Variants in AMOT observed in about 807,000 individuals in gnomAD.
The protein encoded by AMOT is angiomotin.
Under a neutral mutation model 67.0 loss-of-function variants are expected in AMOT, and 11 were observed. The observed-to-expected ratio is 0.16, with a 90% CI of 0.10 to 0.27. AMOT has a LOEUF of 0.27. Among genes scored for constraint, AMOT ranks in the 10% least tolerant of loss-of-function variants. The pLI is 1.00. For synonymous variants in AMOT, 326 were observed against 321.4 expected (o/e 1.01, Z -0.15); for missense variants, 753 against 852.0 (o/e 0.88, Z 1.45).
Position 112,823,067 on chromosome X carries a change from T to C in AMOT, c.60A>G (p.Gln20=). Residue 20 remains glutamine (Q), a synonymous_variant, in exon 4 of 14, where the codon CAA becomes CAG. Transcript: ENST00000371959. ...GGTTVLQRLL[Q]EQLRYGNPSE... ...TAGGATTGCCATAGCGAAGCTGCTC[T>C]TGTAGCAAACGCTGCAATACCGTGG... 4 of 1,167,712 alleles carry C rather than the reference T, an allele frequency of 3.4e-6. No individual in the cohort carries two copies. Among genetic ancestry groups the C allele is most frequent in the Non-Finnish European group, 4.6e-6 (4 of 872,993 alleles).
chrX:112,832,877 G>C (rs1289997566), intron 1 of AMOT, among the ~76,000 whole-genome samples: 1 of 111,229 alleles, frequency 9.0e-6, no homozygotes, highest in Non-Finnish European at 1.9e-5. Context: ...ATGGACAGGA[G>C]CCAGCATTTC....
rs1933233066 is a variant in AMOT, at chrX:112,782,678, G to C, written c.2118-16C>G. 2 of 1,201,740 alleles carry C rather than the reference G, an allele frequency of 1.7e-6. No homozygotes were observed. Among genetic ancestry groups the C allele is most frequent in the Admixed American group, 2.2e-5 (1 of 45,097 alleles). On this transcript the variant is annotated splice_polypyrimidine_tract_variant and intron_variant, in intron 10 of 13. Coordinates refer to ENST00000371959, the MANE Select transcript of AMOT (RefSeq NM_001113490.2). ...TGTTGTGTCCCTGGGGAGGAAAATG[G>C]AAGTGATGAGATGGGAGCATAGCAA...
intron 2 of AMOT, among the ~76,000 whole-genome samples, chrX:112,828,153 G>A (rs769260023): frequency 1.6e-3 from 174 of 110,302 alleles, no homozygotes; most frequent in Non-Finnish European, 2.2e-3. Flanking sequence ...CAACAGTCTT[G>A]CAACCCAAGA....
intron 4 of AMOT, among the ~76,000 whole-genome samples, chrX:112,817,922 G>A (rs1008056950): frequency 1.4e-4 from 16 of 111,304 alleles, no homozygotes; most frequent in Non-Finnish European, 2.4e-4. Context: ...TTCCTCACAG[G>A]TAAAAGACTA....
intron 1 of AMOT, among the ~76,000 whole-genome samples, chrX:112,837,379 T>C (rs928689658): frequency 8.9e-6 from 1 of 112,412 alleles, no homozygotes; most frequent in African/African-American, 3.2e-5. Context: ...AAGGCCCAGT[T>C]AGAGTGAATT....
chrX:112,810,916 C>T (rs1240388688), intron 6 of AMOT, among the ~76,000 whole-genome samples: 2 of 111,093 alleles, frequency 1.8e-5, no homozygotes, highest in East Asian at 2.8e-4. Context: ...TCAAAGGGCA[C>T]GCCTCTGTAA....
intron 1 of AMOT, among the ~76,000 whole-genome samples, chrX:112,837,209 G>A (rs1249407879): frequency 1.8e-5 from 2 of 112,293 alleles, no homozygotes; most frequent in Admixed American, 9.4e-5. Flanking sequence ...CAGAGCTAAC[G>A]TGGCCAGCAT....
In AMOT at chrX:112,777,352, T is replaced by G. The variant is rs779539332; in HGVS notation, c.*1215A>C. 1.8e-5 allele frequency: 2 copies of G among 111,827 alleles called. No individual in the cohort carries two copies. Among genetic ancestry groups the G allele is most frequent in the East Asian group, 5.7e-4 (2 of 3,532 alleles). The allele number at this position is 111,827 out of a possible 1,213,427, so 9.2% of individuals were successfully genotyped here. On this transcript the variant is annotated 3_prime_UTR_variant, in exon 14 of 14. Transcript: ENST00000371959. ...CTCTACCCACATGCACATTTCCTGC[T>G]GCTTCCCAAAGGTATTCCAAGATGG...
intron 4 of AMOT, among the ~76,000 whole-genome samples, chrX:112,816,091 C>A (rs1173573501): frequency 2.7e-5 from 3 of 111,077 alleles, no homozygotes; most frequent in African/African-American, 9.8e-5. Context: ...TGTGCCTCTG[C>A]CTGACAAACA....
At chrX:112,824,146 T>G (rs1018203813) in intron 3 of AMOT, among the ~76,000 whole-genome samples, 10 of 112,013 alleles carry the variant, frequency 8.9e-5, no homozygotes, top group East Asian at 2.8e-4. Context: ...GATTCCTCTT[T>G]TCTTGATGTC....
intron 8 of AMOT, 147 bp downstream of exon 8, chrX:112,804,800 A>G: frequency 1.3e-6 from 1 of 792,321 alleles, no homozygotes; most frequent in Non-Finnish European, 1.8e-6. Context: ...GTCCACTCAC[A>G]TCAGCACAGT....
intron 8 of AMOT, 49 bp downstream of exon 8, chrX:112,804,898 T>TAGCC: frequency 1.2e-6 from 1 of 837,584 alleles, no homozygotes; most frequent in East Asian, 3.8e-5. Context: ...GTCCCCGATT[T>TAGCC]CCCAGCCCTC....
At chrX:112,782,470 G>A in intron 11 of AMOT, 70 bp downstream of exon 11, 1 of 1,188,015 alleles carries the variant, frequency 8.4e-7, no homozygotes. Flanking sequence ...TTTCCTAGCT[G>A]TGAATAAAGA....
In AMOT at chrX:112,776,845, A is replaced by G. The variant is rs960451955; in HGVS notation, c.*1722T>C. On this transcript the variant is annotated 3_prime_UTR_variant, in exon 14 of 14. Coordinates refer to ENST00000371959, the MANE Select transcript of AMOT (RefSeq NM_001113490.2). ...CAACCAGGTACATTTTACAAGATAC[A>G]TATTCCCTGGACCATGAAGATGCCT... 2 of 112,188 alleles carry G rather than the reference A, an allele frequency of 1.8e-5. No individual in the cohort carries two copies. The highest frequency in any genetic ancestry group is 3.8e-5 in the Non-Finnish European group (2 of 53,206). 9.2% of individuals were successfully genotyped at this position (112,188 alleles called of 1,213,427 possible). A position where few individuals can be genotyped will look rare whatever the true frequency, so the allele number is the denominator to read the frequency against.
chrX:112,825,661 T>C (rs780582189), intron 2 of AMOT, among the ~76,000 whole-genome samples: 3 of 110,088 alleles, frequency 2.7e-5, no homozygotes, highest in Non-Finnish European at 3.8e-5. Flanking sequence ...AGGTTTTTGG[T>C]CAAAAAAAGA....
chrX:112,836,763 T>C lies in AMOT; in HGVS notation c.-289+3689A>G, dbSNP rs1409594903. 2.8e-5 allele frequency among the ~76,000 whole-genome samples: 3 copies of C among 108,368 alleles called. No homozygotes were observed. The Admixed American group carries it at 3.1e-4, about 11-fold the overall frequency. 94.1% of individuals were successfully genotyped at this position (108,368 alleles called of 115,157 possible). On this transcript the variant is annotated intron_variant, in intron 1 of 13. Coordinates refer to ENST00000371959, the MANE Select transcript of AMOT (RefSeq NM_001113490.2). ...CATGATGACTAGATGATTGAATTTC[T>C]AACAACTGTTGCACTTCATTCTAGT...
chrX:112,836,100 T>C (rs1935124652), intron 1 of AMOT, among the ~76,000 whole-genome samples: 2 of 112,264 alleles, frequency 1.8e-5, no homozygotes, highest in Admixed American at 9.4e-5. Flanking sequence ...TTATTTTCCA[T>C]GCTACAAAAC....
At chrX:112,781,260 T>A in intron 11 of AMOT, 142 bp from the exon 12 acceptor site, 1 of 514,530 alleles carries the variant, frequency 1.9e-6, no homozygotes, top group Non-Finnish European at 3.2e-6. Flanking sequence ...GCCAACATGG[T>A]GAAACCCTGT....
chrX:112,828,317 G>T (rs1053490266), intron 2 of AMOT, among the ~76,000 whole-genome samples: 3 of 105,833 alleles, frequency 2.8e-5, no homozygotes, highest in Admixed American at 2.1e-4. Context: ...AACAGACCTT[G>T]TACATGTCTC....
Sources: allele counts gnomAD v4.1 joint callset (sites outside exome capture counted in the v4.1 genomes callset), GRCh38; gene constraint gnomAD v4.1.1; transcripts MANE v1.5; gene names NCBI Gene and HGNC (gene_info 2026-07-23, HGNC 2026-07-21).